ALK: variants seen among roughly 807,000 people sequenced by gnomAD.
ALK encodes ALK receptor tyrosine kinase.
Under a neutral mutation model 163.1 loss-of-function variants are expected in ALK, and 74 were observed. The observed-to-expected ratio is 0.45, with a 90% confidence interval of 0.38 to 0.55. The LOEUF is 0.55. Among genes scored for constraint, ALK ranks in the 20% least tolerant of loss-of-function variants. The pLI is 0.00. For missense variants in ALK, 2,063 were observed against 2,105.3 expected, an observed-to-expected ratio of 0.98 and a Z score of 0.39; for synonymous variants, 960 against 843.2, an observed-to-expected ratio of 1.14 and a Z score of -2.40.
chr2:29,613,097 A>G (rs1675740936), intron 3 of ALK, among the ~76,000 whole-genome samples: 1 of 152,182 alleles, frequency 6.6e-6, no homozygotes, highest in African/African-American at 2.4e-5. Context: ...TTCTAGTCCT[A>G]TTTACATTTC....
intron 7 of ALK, among the ~76,000 whole-genome samples, chr2:29,319,551 CA>C (rs1249755789): frequency 6.6e-6 from 1 of 152,052 alleles, no homozygotes; most frequent in Non-Finnish European, 1.5e-5. Context: ...TGTGGGGCTC[CA>C]GGGGGCAAAA....
intron 5 of ALK, among the ~76,000 whole-genome samples, chr2:29,374,206 A>C (rs1668700701): frequency 6.6e-6 from 1 of 152,212 alleles, no homozygotes; most frequent in Non-Finnish European, 1.5e-5. Flanking sequence ...TGTGCCAAGC[A>C]TTGTGCTAGG....
At chr2:29,675,758 G>C (rs748534062) in intron 3 of ALK, among the ~76,000 whole-genome samples, 10 of 151,994 alleles carry the variant, frequency 6.6e-5, no homozygotes, top group South Asian at 2.1e-4. Flanking sequence ...TCTTGCTGCT[G>C]TTCATTGATT....
chr2:29,734,500 T>C (rs1450855411), intron 1 of ALK, among the ~76,000 whole-genome samples: 1 of 152,124 alleles, frequency 6.6e-6, no homozygotes, highest in African/African-American at 2.4e-5. Context: ...ACTAGTTCAG[T>C]AGGAATAAGA....
intron 3 of ALK, among the ~76,000 whole-genome samples, chr2:29,534,910 AACCGGACT>A (rs1237450845): frequency 6.6e-6 from 1 of 152,214 alleles, no homozygotes; most frequent in Non-Finnish European, 1.5e-5. Flanking sequence ...TATTTTCTGC[AACCGGACT>A]ATCAATAAGC....
chr2:29,881,221 G>C (rs1666855904), intron 1 of ALK, among the ~76,000 whole-genome samples: 1 of 152,188 alleles, frequency 6.6e-6, no homozygotes, highest in Non-Finnish European at 1.5e-5. Flanking sequence ...AAAGAGCTGA[G>C]CCTTGCAAAG....
At chr2:29,206,422 C>T (rs1669311593) in intron 26 of ALK, among the ~76,000 whole-genome samples, 1 of 151,992 alleles carries the variant, frequency 6.6e-6, no homozygotes, top group African/African-American at 2.4e-5. Context: ...CATGCGTGCA[C>T]CACCACACCT....
intron 3 of ALK, among the ~76,000 whole-genome samples, chr2:29,606,980 G>C (rs1040471263): frequency 6.6e-6 from 1 of 152,182 alleles, no homozygotes; most frequent in African/African-American, 2.4e-5. Flanking sequence ...CCATGCATCT[G>C]CTTTCCTTTT....
intron 1 of ALK, among the ~76,000 whole-genome samples, chr2:29,840,050 A>G (rs1246822001): frequency 1.3e-5 from 2 of 152,230 alleles, no homozygotes; most frequent in Non-Finnish European, 2.9e-5. Flanking sequence ...ATCTGAGATT[A>G]CAGTGCAAAG....
At chr2:29,627,399 G>A (rs983003173) in intron 3 of ALK, among the ~76,000 whole-genome samples, 8 of 152,132 alleles carry the variant, frequency 5.3e-5, no homozygotes, top group African/African-American at 1.7e-4. Context: ...TGTTGATGCC[G>A]CAAATTTCTG....
At chr2:29,905,522 G>A (rs1172983133) in intron 1 of ALK, among the ~76,000 whole-genome samples, 1 of 151,736 alleles carries the variant, frequency 6.6e-6, no homozygotes. Context: ...AAGAAAGAAG[G>A]TAAGAGGGAA....
At chr2:29,420,682 A>G (rs1253276483) in intron 4 of ALK, among the ~76,000 whole-genome samples, 1 of 151,534 alleles carries the variant, frequency 6.6e-6, no homozygotes, top group Admixed American at 6.6e-5. Flanking sequence ...GCGGATGAAT[A>G]AGCAGGCAGA....
intron 5 of ALK, among the ~76,000 whole-genome samples, chr2:29,343,922 G>T (rs944851210): frequency 1.3e-5 from 2 of 152,056 alleles, no homozygotes; most frequent in Admixed American, 1.3e-4. Context: ...ATATTCTCTA[G>T]AGTGAAGAGC....
chr2:29,205,906 G>C (rs1193590967), intron 26 of ALK, among the ~76,000 whole-genome samples: 1 of 152,202 alleles, frequency 6.6e-6, no homozygotes, highest in Non-Finnish European at 1.5e-5. Flanking sequence ...CCACTTGGCA[G>C]TACTGTATCT....
chr2:29,518,654 G>T (rs1397318171), intron 4 of ALK, among the ~76,000 whole-genome samples: 1 of 152,150 alleles, frequency 6.6e-6, no homozygotes, highest in East Asian at 1.9e-4. Flanking sequence ...CCCCTTTGCT[G>T]GTAAGAATCC....
At chr2:29,578,409 GC>G (rs1674585613) in intron 3 of ALK, among the ~76,000 whole-genome samples, 1 of 152,180 alleles carries the variant, frequency 6.6e-6, no homozygotes, top group African/African-American at 2.4e-5. Flanking sequence ...AGGGTATGGT[GC>G]CCTAATTTAC....
intron 9 of ALK, among the ~76,000 whole-genome samples, chr2:29,287,406 A>G (rs1665887786): frequency 6.6e-6 from 1 of 152,210 alleles, no homozygotes; most frequent in African/African-American, 2.4e-5. Context: ...TCTAATGACC[A>G]AGACCTTCAA....
chr2:29,342,885 T>C (rs1667836154), intron 5 of ALK, among the ~76,000 whole-genome samples: 1 of 143,348 alleles, frequency 7.0e-6, no homozygotes, highest in Admixed American at 7.0e-5. Context: ...ATCTTTTTTT[T>C]TTTTTTTTTT....
chr2:29,345,455 TAAAA>T (rs1297343779), intron 5 of ALK, among the ~76,000 whole-genome samples: 27 of 148,772 alleles, frequency 1.8e-4, no homozygotes, highest in African/African-American at 3.7e-4. Context: ...AATAAATAAA[TAAAA>T]ATAATACTCA....
Sources: gnomAD v4.1 joint callset for allele counts (sites outside exome capture counted in the v4.1 genomes callset) on GRCh38, gnomAD v4.1.1 for gene constraint, MANE v1.5 for transcripts, NCBI Gene and HGNC (gene_info 2026-07-23, HGNC 2026-07-21) for gene names.